The following RBPMS variants were observed in gnomAD, a reference collection of about 807,000 sequenced individuals.
The protein encoded by RBPMS is RNA-binding protein with multiple splicing.
A neutral mutation model predicts 26.8 loss-of-function variants in RBPMS; 7 were observed. The observed-to-expected ratio is 0.26, with a 90% CI of 0.15 to 0.49. The LOEUF (loss-of-function observed/expected upper bound fraction) is 0.49. RBPMS is among the 20% of genes least tolerant of loss of function. RBPMS has a pLI of 0.98. For missense variants in RBPMS, 186 were observed against 250.0 expected (o/e 0.74, Z 1.73); for synonymous variants, 96 against 93.3 (o/e 1.03, Z -0.17).
chr8:30,501,560 C>CT (rs1820560459), intron 4 of RBPMS, among the ~76,000 whole-genome samples: 1 of 152,080 alleles, frequency 6.6e-6, no homozygotes, highest in Non-Finnish European at 1.5e-5. Flanking sequence ...GTCCAGTAGC[C>CT]AGTCAGATTG....
chr8:30,556,106 C>A (rs1826881292), intron 6 of RBPMS: 1 of 985,338 alleles, frequency 1.0e-6, no homozygotes, highest in African/African-American at 1.7e-5. Flanking sequence ...GTGAGAAGAG[C>A]CCCCCACTTG....
intron 4 of RBPMS, among the ~76,000 whole-genome samples, chr8:30,502,168 C>A (rs1820627856): frequency 1.6e-5 from 2 of 122,574 alleles, no homozygotes; most frequent in African/African-American, 3.2e-5. Flanking sequence ...AATAAGGATG[C>A]TGGAACTTTG....
At chr8:30,548,253 C>G (rs146836592) in intron 6 of RBPMS, among the ~76,000 whole-genome samples, 1 of 152,334 alleles carries the variant, frequency 6.6e-6, no homozygotes, top group Non-Finnish European at 1.5e-5. Flanking sequence ...TCTGTCACCT[C>G]ACATTCACAC....
chr8:30,461,390 T>C (rs1815876800), intron 1 of RBPMS, among the ~76,000 whole-genome samples: 1 of 152,064 alleles, frequency 6.6e-6, no homozygotes, highest in Admixed American at 6.6e-5. Flanking sequence ...TCACATACAG[T>C]GTGTTTGTTT....
At chr8:30,518,736 T>TTA in intron 5 of RBPMS, among the ~76,000 whole-genome samples, 1 of 132,772 alleles carries the variant, frequency 7.5e-6, no homozygotes, top group African/African-American at 2.8e-5. Flanking sequence ...GTATGATTTT[T>TTA]AGCTGTCATT....
chr8:30,544,496 G>A lies in RBPMS; in HGVS notation c.400G>A (p.Glu134Lys). The A allele has an allele frequency of 6.2e-7, 1 of 1,613,424 alleles. No individual in the cohort carries two copies. The highest frequency in any genetic ancestry group is 8.5e-7 in the Non-Finnish European group (1 of 1,179,400). Residue 134 changes from glutamate (E) to lysine (K), a missense_variant and splice_region_variant, in exon 6 of 9, where the codon GAG (glutamate) becomes AAG (lysine). This residue lies in a region of RBPMS where 98 missense variants were observed against 113.6 expected (regional missense o/e 0.86). Transcript: ENST00000397323. Reference protein sequence around the residue: ...VPQFIAREPYELTVPALYPSS... With the variant: ...VPQFIAREPYKLTVPALYPSS... The stretch of plus-strand genomic sequence containing the variant: ...CTCGCCTTATTCTTTTCTTGCAGAT[G>A]AGCTCACAGTGCCTGCACTTTACCC...
At chr8:30,435,041 C>T (rs913353971) in intron 1 of RBPMS, among the ~76,000 whole-genome samples, 11 of 151,604 alleles carry the variant, frequency 7.3e-5, no homozygotes, top group South Asian at 2.1e-4. Context: ...TCCATCCATC[C>T]GATCCAAATG....
At chr8:30,570,190 G>A (rs1828174600) in intron 8 of RBPMS, among the ~76,000 whole-genome samples, 1 of 152,086 alleles carries the variant, frequency 6.6e-6, no homozygotes. Flanking sequence ...TCTAACTTGG[G>A]ACATTTAAAT....
intron 5 of RBPMS, among the ~76,000 whole-genome samples, chr8:30,531,653 T>C (rs1031156678): frequency 2.6e-5 from 4 of 152,186 alleles, no homozygotes; most frequent in Non-Finnish European, 5.9e-5. Context: ...GGGGGAGTTA[T>C]TTACATTAGC....
intron 1 of RBPMS, among the ~76,000 whole-genome samples, chr8:30,459,444 A>G (rs1365283420): frequency 6.6e-6 from 1 of 152,164 alleles, no homozygotes; most frequent in Non-Finnish European, 1.5e-5. Context: ...TTATTACATG[A>G]AACATAAATA....
In RBPMS at chr8:30,431,670, C is replaced by T. The variant is rs975209717; in HGVS notation, c.67-43109C>T. On this transcript the variant is annotated intron_variant, in intron 1 of 8. Transcript: ENST00000397323. Reference sequence around the variant, plus strand: ...TTCTCCGTGTTGGCTAGGCTGGTCTCGAACTCCAGACCTCAGGTGATCCGG... The same window carrying T: ...TTCTCCGTGTTGGCTAGGCTGGTCTTGAACTCCAGACCTCAGGTGATCCGG... Among the ~76,000 whole-genome samples, 10 of 152,072 alleles carry T rather than the reference C, an allele frequency of 6.6e-5. 1 individual carries two copies. The highest frequency in any genetic ancestry group is 2.4e-5 in the African/African-American group (1 of 41,426).
In RBPMS at chr8:30,516,942, C is replaced by T. The variant is rs558866006; in HGVS notation, c.397+12506C>T. ...CACACAGACACACATGAGTTTTCCT[C>T]ATGTGAATTGATTTTTTTAATAATA... On this transcript the variant is annotated intron_variant, in intron 5 of 8. Transcript: ENST00000397323. Among the ~76,000 whole-genome samples, 6 of 113,654 alleles carry T rather than the reference C, an allele frequency of 5.3e-5. No homozygotes were observed. In the South Asian group the frequency reaches 1.7e-3, roughly 32 times the overall value. 74.6% of individuals were successfully genotyped at this position (113,654 alleles called of 152,430 possible).
intron 1 of RBPMS, among the ~76,000 whole-genome samples, chr8:30,393,259 T>C (rs996646539): frequency 1.2e-4 from 19 of 152,022 alleles, no homozygotes; most frequent in African/African-American, 4.6e-4. Context: ...TTTGCTTTGC[T>C]CAAAACTCAG....
At chr8:30,516,687 T>G (rs1186714365) in intron 5 of RBPMS, among the ~76,000 whole-genome samples, 1 of 152,198 alleles carries the variant, frequency 6.6e-6, no homozygotes, top group African/African-American at 2.4e-5. Context: ...TTATAAAATT[T>G]TTTAAATACA....
At chr8:30,484,722 G>T (rs1489660403) in intron 4 of RBPMS, among the ~76,000 whole-genome samples, 1 of 152,148 alleles carries the variant, frequency 6.6e-6, no homozygotes, top group South Asian at 2.1e-4. Context: ...AATATGCTGA[G>T]AAAAGACTTA....
intron 5 of RBPMS, 139 bp downstream of exon 5, chr8:30,504,575 G>T (rs1241988993): frequency 1.3e-6 from 1 of 777,206 alleles, no homozygotes; most frequent in South Asian, 2.3e-5. Flanking sequence ...AGGCGTTCTT[G>T]GTGTCAGAAT....
At chr8:30,483,380 C>A (rs1563362336) in intron 4 of RBPMS, among the ~76,000 whole-genome samples, 2 of 152,166 alleles carry the variant, frequency 1.3e-5, no homozygotes, top group Non-Finnish European at 2.9e-5. Context: ...TACATCACTA[C>A]AAATTGCCTT....
chr8:30,420,641 A>G (rs1228215555), intron 1 of RBPMS, among the ~76,000 whole-genome samples: 1 of 152,232 alleles, frequency 6.6e-6, no homozygotes, highest in African/African-American at 2.4e-5. Flanking sequence ...ACTTTCAGCA[A>G]TGTTGTAGAC....
At chr8:30,498,537 AAC>A (rs1159749760) in intron 4 of RBPMS, among the ~76,000 whole-genome samples, 3 of 152,246 alleles carry the variant, frequency 2.0e-5, no homozygotes, top group Non-Finnish European at 4.4e-5. Context: ...TCAAATGAAT[AAC>A]ACAACCACAC....
Sources: allele counts gnomAD v4.1 joint callset (sites outside exome capture counted in the v4.1 genomes callset), GRCh38; gene constraint gnomAD v4.1.1; regional missense constraint gnomAD v4.1.1; transcripts MANE v1.5; gene names NCBI Gene and HGNC (gene_info 2026-07-23, HGNC 2026-07-21).